PTPRN2: variants seen among roughly 807,000 people sequenced by gnomAD.
The protein encoded by PTPRN2 is receptor-type tyrosine-protein phosphatase N2.
A neutral mutation model predicts 118.8 loss-of-function variants in PTPRN2; 74 were observed. That is an observed-to-expected ratio of 0.62 (90% confidence interval 0.52 to 0.76). The LOEUF (loss-of-function observed/expected upper bound fraction) is 0.76, where lower values mean the gene tolerates loss of function less well. PTPRN2 is among the 30% of genes least tolerant of loss of function. The pLI is 0.00. For missense variants in PTPRN2, 1,481 were observed against 1,394.4 expected, an observed-to-expected ratio of 1.06 and a Z score of -0.99; for synonymous variants, 641 against 608.0, an observed-to-expected ratio of 1.05 and a Z score of -0.80.
At chr7:157,687,766 A>T (rs1797268179) in intron 12 of PTPRN2, among the ~76,000 whole-genome samples, 1 of 152,244 alleles carries the variant, frequency 6.6e-6, no homozygotes, top group African/African-American at 2.4e-5. Context: ...GCTGATGAAC[A>T]TTTTAAGTTT....
intron 14 of PTPRN2, among the ~76,000 whole-genome samples, chr7:157,639,044 T>C (rs1804510162): frequency 7.0e-6 from 1 of 142,008 alleles, no homozygotes; most frequent in South Asian, 2.2e-4. Flanking sequence ...TCTTTCTTTC[T>C]TTTTTTTTTT....
intron 12 of PTPRN2, among the ~76,000 whole-genome samples, chr7:157,774,228 A>C (rs997576177): frequency 2.0e-5 from 3 of 152,200 alleles, no homozygotes; most frequent in Non-Finnish European, 4.4e-5. Flanking sequence ...CTATTCTTAA[A>C]TTAAAAAAGA....
At chr7:157,781,780 C>T (rs1803695916) in intron 12 of PTPRN2, among the ~76,000 whole-genome samples, 1 of 152,184 alleles carries the variant, frequency 6.6e-6, no homozygotes, top group South Asian at 2.1e-4. Context: ...ACTTCAGCCT[C>T]AATACCCTGC....
In PTPRN2 at chr7:157,845,687, C is replaced by T. The variant is rs1428672928; in HGVS notation, c.1788+52986G>A. On this transcript the variant is annotated intron_variant, in intron 12 of 22. Coordinates refer to ENST00000389418, the MANE Select transcript of PTPRN2 (RefSeq NM_002847.5). This position sits in a 1 kb window ranked among gnomAD's most constrained non-coding sequence, Gnocchi z 4.5. ...CCTCCCCGCGGGGCAGGTGGGTGCA[C>T]AGGAAAGAAACCAACATGGAGCTGA... Among the ~76,000 whole-genome samples, 2 of 152,162 alleles carry T rather than the reference C, an allele frequency of 1.3e-5. No homozygotes were observed. Among genetic ancestry groups the T allele is most frequent in the African/African-American group, 4.8e-5 (2 of 41,426 alleles).
chr7:157,691,079 C>T (rs1054673013), intron 12 of PTPRN2, among the ~76,000 whole-genome samples: 3 of 124,776 alleles, frequency 2.4e-5, no homozygotes, highest in East Asian at 2.2e-4. Context: ...CCCCCCCCCC[C>T]CCACATGTTG....
chr7:157,995,956 G>T (rs1044196393), intron 11 of PTPRN2, among the ~76,000 whole-genome samples: 1 of 152,248 alleles, frequency 6.6e-6, no homozygotes, highest in Admixed American at 6.5e-5. Context: ...GAAAAAGGAT[G>T]AAGTTCTGTC....
intron 2 of PTPRN2, among the ~76,000 whole-genome samples, chr7:158,318,571 C>T (rs1051600940): frequency 8.5e-5 from 13 of 152,304 alleles, no homozygotes; most frequent in East Asian, 5.8e-4. Flanking sequence ...CCAGGGCCGG[C>T]GGCCTCTTCC....
intron 9 of PTPRN2, among the ~76,000 whole-genome samples, chr7:158,131,242 C>T (rs113697149): frequency 6.6e-6 from 1 of 151,290 alleles, no homozygotes; most frequent in African/African-American, 2.4e-5. Context: ...CCAACAAACA[C>T]ACATACATAC....
intron 12 of PTPRN2, among the ~76,000 whole-genome samples, chr7:157,817,662 C>T (rs538231873): frequency 7.2e-5 from 11 of 152,340 alleles, no homozygotes; most frequent in African/African-American, 2.2e-4. Context: ...GAGCTACGGC[C>T]GGGGCCATCA....
At chr7:158,515,311 C>T (rs911663958) in intron 1 of PTPRN2, among the ~76,000 whole-genome samples, 9 of 151,920 alleles carry the variant, frequency 5.9e-5, no homozygotes, top group East Asian at 1.9e-4. Context: ...CTCAGTCTCC[C>T]GAGTAGCTGG....
At chr7:158,351,123 C>T (rs1340598299) in intron 2 of PTPRN2, among the ~76,000 whole-genome samples, 1 of 152,152 alleles carries the variant, frequency 6.6e-6, no homozygotes, top group African/African-American at 2.4e-5. Context: ...AACTGTTATG[C>T]GGGAGGCAGA....
chr7:157,805,923 C>T (rs1805602858), intron 12 of PTPRN2, among the ~76,000 whole-genome samples: 1 of 152,178 alleles, frequency 6.6e-6, no homozygotes, highest in African/African-American at 2.4e-5. Context: ...TCTGGTGCTT[C>T]TCCACACACA....
intron 12 of PTPRN2, among the ~76,000 whole-genome samples, chr7:157,871,357 A>G (rs1252172046): frequency 1.3e-5 from 2 of 152,154 alleles, no homozygotes; most frequent in African/African-American, 4.8e-5. Flanking sequence ...AGGCTGACAT[A>G]TGAGAACTGT....
At chr7:157,576,475 C>T in intron 19 of PTPRN2, 138 bp downstream of exon 19, 2 of 906,934 alleles carry the variant, frequency 2.2e-6, no homozygotes, top group Non-Finnish European at 3.2e-6. Flanking sequence ...CCGCCTCTCG[C>T]TTCCCTTCCC....
intron 11 of PTPRN2, among the ~76,000 whole-genome samples, chr7:157,965,669 G>C (rs1801874485): frequency 1.3e-5 from 2 of 152,130 alleles, no homozygotes; most frequent in African/African-American, 4.8e-5. Flanking sequence ...TCAGATCAAG[G>C]TGTTCTTTTC....
At chr7:158,183,007 T>G (rs1372297774) in intron 5 of PTPRN2, among the ~76,000 whole-genome samples, 1 of 152,232 alleles carries the variant, frequency 6.6e-6, no homozygotes, top group Non-Finnish European at 1.5e-5. Context: ...AATTGTAATA[T>G]CTTCTTGTTG....
chr7:158,278,374 G>A (rs1373306883), intron 3 of PTPRN2, among the ~76,000 whole-genome samples: 4 of 147,178 alleles, frequency 2.7e-5, no homozygotes, highest in Non-Finnish European at 5.9e-5. Context: ...TCAGCTGGAC[G>A]TGAAGGTGGG....
At chr7:158,497,529 C>T (rs1357936496) in intron 1 of PTPRN2, among the ~76,000 whole-genome samples, 1 of 152,096 alleles carries the variant, frequency 6.6e-6, no homozygotes, top group Non-Finnish European at 1.5e-5. Flanking sequence ...GAGGAGGGTC[C>T]ACAGCCAAAT....
intron 3 of PTPRN2, among the ~76,000 whole-genome samples, chr7:158,312,980 G>A (rs953859937): frequency 6.6e-6 from 1 of 151,742 alleles, no homozygotes; most frequent in Non-Finnish European, 1.5e-5. Context: ...CTACATGTGA[G>A]CATGTGTGTG....
Sources: gnomAD v4.1 joint callset for allele counts (sites outside exome capture counted in the v4.1 genomes callset) on GRCh38, gnomAD v4.1.1 for gene constraint, Gnocchi (gnomAD v3.1) non-coding constraint, MANE v1.5 for transcripts, NCBI Gene and HGNC (gene_info 2026-07-23, HGNC 2026-07-21) for gene names.